Variants in KIF5C observed in about 807,000 individuals in gnomAD.
KIF5C encodes kinesin heavy chain isoform 5C.
KIF5C carries 18 observed loss-of-function variants against 125.2 expected under a neutral mutation model. The observed-to-expected ratio is 0.14, with a 90% CI of 0.10 to 0.21. KIF5C has a LOEUF of 0.21. Among genes scored for constraint, KIF5C ranks in the 10% least tolerant of loss-of-function variants. The pLI is 1.00. For synonymous variants in KIF5C, 405 were observed against 434.0 expected (o/e 0.93, Z 0.83); for missense variants, 780 against 1,183.8 (o/e 0.66, Z 5.01).
chr2:148,982,197 T>C (rs1681254714), intron 14 of KIF5C, among the ~76,000 whole-genome samples: 1 of 152,228 alleles, frequency 6.6e-6, no homozygotes, highest in Admixed American at 6.5e-5. Context: ...CCTTGTTTGT[T>C]TGTTTGCTGT....
chr2:148,928,208 T>A (rs558911743), intron 2 of KIF5C, among the ~76,000 whole-genome samples: 1 of 152,292 alleles, frequency 6.6e-6, no homozygotes, highest in East Asian at 1.9e-4. Flanking sequence ...CCCTCTACCA[T>A]GCTCCCAAAA....
intron 11 of KIF5C, among the ~76,000 whole-genome samples, chr2:148,966,041 C>T (rs577658075): frequency 6.6e-6 from 1 of 152,236 alleles, no homozygotes; most frequent in South Asian, 2.1e-4. Flanking sequence ...GAGATGTGGA[C>T]TGAAAAAGCA....
At chr2:149,010,436 T>A (rs891614521) in intron 24 of KIF5C, 85 bp downstream of exon 24, 4 of 1,461,814 alleles carry the variant, frequency 2.7e-6, no homozygotes, top group Non-Finnish European at 3.6e-6. Context: ...AAGACAGCGC[T>A]GGCCCACTCT....
chr2:149,011,479 T>C (rs540724488), intron 24 of KIF5C, 91 bp from the exon 25 acceptor site: 1 of 1,510,742 alleles, frequency 6.6e-7, no homozygotes, highest in Admixed American at 2.1e-5. Context: ...ATTGTGACTT[T>C]TAGTTGTCAC....
chr2:148,937,219 C>T, intron 3 of KIF5C, 65 bp from the exon 4 acceptor site: 1 of 1,524,016 alleles, frequency 6.6e-7, no homozygotes, highest in Non-Finnish European at 8.8e-7. Flanking sequence ...AGAGATGGTT[C>T]TCCCTCTCTC....
chr2:148,994,525 G>C lies in KIF5C; in HGVS notation c.2010G>C (p.Lys670Asn). 1 of 1,562,952 alleles carries C rather than the reference G, an allele frequency of 6.4e-7. No homozygotes were observed. Residue 670 changes from lysine (K) to asparagine (N), a missense_variant, in exon 17 of 26, where the codon AAG becomes AAC. Around this residue, in one of 2 missense-constraint regions of KIF5C, gnomAD observed 573 missense variants for 742.6 expected, o/e 0.77. Transcript: ENST00000435030. ...SQDSLSEELA[K>N]LRAQEKMHEV... The stretch of plus-strand genomic sequence containing the variant: ...ACTCGCTCAGCGAAGAGCTGGCAAA[G>C]CTCCGAGCCCAGGGTAAATATTTGA...
intron 1 of KIF5C, among the ~76,000 whole-genome samples, chr2:148,896,953 C>A (rs1243622838): frequency 6.6e-6 from 1 of 152,134 alleles, no homozygotes; most frequent in Non-Finnish European, 1.5e-5. Flanking sequence ...CTGCCTCAGC[C>A]TCCTGAATAG....
At chr2:148,890,134 A>C (rs1006266608) in intron 1 of KIF5C, among the ~76,000 whole-genome samples, 9 of 152,200 alleles carry the variant, frequency 5.9e-5, no homozygotes, top group African/African-American at 9.7e-5. Flanking sequence ...AAATTTACCT[A>C]TACTGCTGTT....
chr2:148,964,043 A>G (rs1682990764), intron 11 of KIF5C, among the ~76,000 whole-genome samples: 1 of 152,150 alleles, frequency 6.6e-6, no homozygotes, highest in Non-Finnish European at 1.5e-5. Context: ...TGGGTGGCCG[A>G]GGTGGGCAGA....
chr2:148,899,763 C>G (rs1365777817), intron 1 of KIF5C, among the ~76,000 whole-genome samples: 1 of 145,250 alleles, frequency 6.9e-6, no homozygotes. Context: ...CAGTTACCAA[C>G]AGACTCCTTA....
intron 7 of KIF5C, among the ~76,000 whole-genome samples, chr2:148,946,042 A>G (rs1370027460): frequency 6.6e-6 from 1 of 152,056 alleles, no homozygotes; most frequent in African/African-American, 2.4e-5. Flanking sequence ...GTTTATTCCT[A>G]AGTAGTTTAT....
chr2:148,943,235 A>T (rs1274572676), intron 7 of KIF5C, among the ~76,000 whole-genome samples: 2 of 152,220 alleles, frequency 1.3e-5, no homozygotes, highest in African/African-American at 2.4e-5. Flanking sequence ...GAAGGAAGTC[A>T]GAAAGCAGAG....
rs1470617509 is a variant in KIF5C, at chr2:148,924,467, T to A, written c.217+2240T>A. Among the ~76,000 whole-genome samples the A allele has an allele frequency of 6.6e-6, 1 of 151,122 alleles. No homozygotes were observed. Among genetic ancestry groups the A allele is most frequent in the Non-Finnish European group, 1.5e-5 (1 of 67,988 alleles). ...CTTTATTCTCTCTCTGGTTTTTCAT[T>A]CCCTACCACTTCACTGGGTTAAAAA... On this transcript the variant is annotated intron_variant, in intron 2 of 25. Coordinates refer to ENST00000435030, the MANE Select transcript of KIF5C (RefSeq NM_004522.3). This position sits in a 1 kb window ranked among gnomAD's most constrained non-coding sequence, Gnocchi z 4.0.
At chr2:148,957,592 T>TAAAAAAAAA (rs201033625) in intron 10 of KIF5C, among the ~76,000 whole-genome samples, 5 of 71,788 alleles carry the variant, frequency 7.0e-5, no homozygotes, top group African/African-American at 1.7e-4. Context: ...TTTGTTCTAG[T>TAAAAAAAAA]AAAAAAAAAA....
At chr2:148,925,706 C>T (rs1326825436) in intron 2 of KIF5C, among the ~76,000 whole-genome samples, 1 of 152,142 alleles carries the variant, frequency 6.6e-6, no homozygotes, top group East Asian at 1.9e-4. Context: ...ATGAGTGGTC[C>T]CTGTTCTGTC....
At chr2:148,889,277 T>C (rs752151472) in intron 1 of KIF5C, among the ~76,000 whole-genome samples, 32 of 152,340 alleles carry the variant, frequency 2.1e-4, no homozygotes, top group Non-Finnish European at 4.7e-4. Context: ...CTGGGATTCA[T>C]GTATCTTAGA....
intron 21 of KIF5C, among the ~76,000 whole-genome samples, chr2:149,001,738 G>A (rs897214653): frequency 6.6e-6 from 1 of 152,148 alleles, no homozygotes; most frequent in African/African-American, 2.4e-5. Context: ...CTCTCCATTT[G>A]GTGAAAACAC....
intron 1 of KIF5C, among the ~76,000 whole-genome samples, chr2:148,899,603 T>C (rs937950760): frequency 8.2e-5 from 12 of 146,408 alleles, no homozygotes; most frequent in Non-Finnish European, 1.6e-4. Context: ...CTTGGGAGGC[T>C]GAGGCAGGAG....
At chr2:149,000,667 CT>C in intron 20 of KIF5C, 54 bp from the exon 21 acceptor site, 11 of 1,604,050 alleles carry the variant, frequency 6.9e-6, no homozygotes, top group Non-Finnish European at 9.4e-6. Context: ...CAAATAGTAT[CT>C]GCTGAAATCT....
Sources: allele counts gnomAD v4.1 joint callset (sites outside exome capture counted in the v4.1 genomes callset), GRCh38; gene constraint gnomAD v4.1.1; regional missense constraint gnomAD v4.1.1; non-coding constraint Gnocchi (gnomAD v3.1); transcripts MANE v1.5; gene names NCBI Gene and HGNC (gene_info 2026-07-23, HGNC 2026-07-21).